The following KMT2C variants were observed in gnomAD, a reference collection of about 807,000 sequenced individuals.
KMT2C encodes the protein lysine methyltransferase 2C.
Under a neutral mutation model 507.9 loss-of-function variants are expected in KMT2C, and 88 were observed. The ratio of observed to expected loss-of-function variants is 0.17; its 90% CI spans 0.15 to 0.21. The LOEUF is 0.21. KMT2C is among the 10% of genes least tolerant of loss of function. The pLI, the probability that KMT2C is intolerant of heterozygous loss-of-function variation, is 1.00. For missense variants in KMT2C, 4,954 were observed against 5,957.8 expected (o/e 0.83, Z 5.55); for synonymous variants, 2,049 against 2,080.8 (o/e 0.98, Z 0.42).
chr7:152,188,793 G>A (rs1031338644), intron 31 of KMT2C, among the ~76,000 whole-genome samples: 8 of 151,490 alleles, frequency 5.3e-5, no homozygotes, highest in Non-Finnish European at 1.5e-5. Flanking sequence ...TATTTTTAGT[G>A]GAGGTGGGGT....
chr7:152,167,115 G>C (rs1352718562), intron 42 of KMT2C, 31 bp downstream of exon 42: 1 of 1,514,746 alleles, frequency 6.6e-7, no homozygotes, highest in South Asian at 1.1e-5. Context: ...TTAATTGTTG[G>C]TAGTTTCTAT....
At chr7:152,220,315 G>T (rs935075252) in intron 23 of KMT2C, 13 of 565,728 alleles carry the variant, frequency 2.3e-5, no homozygotes, top group Non-Finnish European at 3.5e-5. Flanking sequence ...TGTAAGGTAG[G>T]TCTGTTCTAA....
intron 13 of KMT2C, among the ~76,000 whole-genome samples, 196 bp downstream of exon 13, chr7:152,249,673 CAAAAAAA>C (rs1183345172): frequency 0.028 from 955 of 34,516 alleles, 20 homozygotes; most frequent in African/African-American, 0.06. Context: ...CTCCCCCCTC[CAAAAAAA>C]AAAAAAAAAA....
chr7:152,265,454 G>A (rs946772327), intron 7 of KMT2C, among the ~76,000 whole-genome samples: 2 of 152,102 alleles, frequency 1.3e-5, no homozygotes, highest in African/African-American at 2.4e-5. Context: ...ATCTACTTGA[G>A]ACCATAAGCA....
chr7:152,287,940 C>T (rs2096333182), intron 6 of KMT2C, among the ~76,000 whole-genome samples: 2 of 141,246 alleles, frequency 1.4e-5, no homozygotes. Flanking sequence ...ATGAGAATCA[C>T]TTAAACCCAG....
rs1349481648 is a variant in KMT2C at position 152,367,981 on chromosome 7, T to C, written c.162-9306A>G. 12 of 881,096 alleles carry C rather than the reference T, an allele frequency of 1.4e-5. No homozygotes were observed. The Admixed American group carries it at 2.5e-4, about 18-fold the overall frequency. The allele number at this position is 881,096 out of a possible 1,614,324, so 54.6% of individuals were successfully genotyped here. On this transcript the variant is annotated intron_variant, in intron 1 of 58. Transcript: ENST00000262189. ...GAATGCCAACAGTTTAAAAAACAGA[T>C]AATGAAAGAAATCCAAGAACATAAA...
At chr7:152,189,934 C>A (rs1286639642) in intron 31 of KMT2C, among the ~76,000 whole-genome samples, 3 of 152,170 alleles carry the variant, frequency 2.0e-5, no homozygotes. Flanking sequence ...TGTTAGGAAC[C>A]CGGCCGCACA....
intron 23 of KMT2C, among the ~76,000 whole-genome samples, chr7:152,208,673 G>A (rs990321659): frequency 2.6e-5 from 4 of 152,084 alleles, no homozygotes; most frequent in African/African-American, 9.7e-5. Flanking sequence ...TGTATTACAG[G>A]AAAAAGACAT....
At chr7:152,419,780 T>C (rs1172590394) in intron 1 of KMT2C, among the ~76,000 whole-genome samples, 1 of 152,234 alleles carries the variant, frequency 6.6e-6, no homozygotes, top group African/African-American at 2.4e-5. Flanking sequence ...TAAAAATTCA[T>C]CTTTCATTTG....
intron 11 of KMT2C, 109 bp from the exon 12 acceptor site, chr7:152,251,075 C>T: frequency 1.6e-6 from 1 of 627,822 alleles, no homozygotes; most frequent in Admixed American, 2.9e-5. Context: ...ACCAAAAATG[C>T]TTTAAGTTTT....
chr7:152,359,824 A>G (rs960582466), intron 1 of KMT2C, among the ~76,000 whole-genome samples: 1 of 151,584 alleles, frequency 6.6e-6, no homozygotes, highest in African/African-American at 2.4e-5. Context: ...TGAGGCAGAT[A>G]TATCACCTGA....
intron 9 of KMT2C, among the ~76,000 whole-genome samples, chr7:152,253,276 G>A (rs1458354046): frequency 6.6e-6 from 1 of 151,874 alleles, no homozygotes; most frequent in Non-Finnish European, 1.5e-5. Flanking sequence ...ACATATAGGT[G>A]GAAGAGATAA....
chr7:152,230,354 T>C (rs1563497197), intron 16 of KMT2C, 33 bp from the exon 17 acceptor site: 3 of 974,826 alleles, frequency 3.1e-6, no homozygotes, highest in Non-Finnish European at 4.6e-6. Flanking sequence ...AATACGAAGT[T>C]ATATTTTTCA....
In KMT2C at chr7:152,156,345, T is replaced by C. The variant is rs1362044365; in HGVS notation, c.11672A>G (p.Gln3891Arg). Residue 3891 changes from glutamine (Q) to arginine (R), a missense_variant and splice_region_variant, in exon 45 of 59, where the codon CAG becomes CGG. Transcript: ENST00000262189. ...STDTFTHLKQ[Q>R]NNLSNPPTPP... The stretch of plus-strand genomic sequence containing the variant: ...TGTTGGAGGATTACTTAAATTATTC[T>C]GCTGCAGGAGACCAAAAAATTTAAA... The C allele has an allele frequency of 1.2e-6, 2 of 1,613,826 alleles. No individual in the cohort carries two copies. The highest frequency in any genetic ancestry group is 1.7e-5 in the Admixed American group (1 of 59,990).
chr7:152,332,111 CA>C (rs1305405779), intron 2 of KMT2C, among the ~76,000 whole-genome samples: 2 of 152,138 alleles, frequency 1.3e-5, no homozygotes, highest in Non-Finnish European at 2.9e-5. Context: ...TTGAAAAGGA[CA>C]AACCTTCACT....
Position 152,162,637 on chromosome 7 carries a change from C to G in KMT2C, c.10940G>C (p.Ser3647Thr). ...TTGTTGAGGAAGCTCACTGGGTGTG[C>G]TCACTGCAGGAGTAGAGGTAGTTTC... ...ISETTSTPAV[S>T]TPSELPQQAD... Residue 3647 changes from serine (S) to threonine (T), a missense_variant, in exon 43 of 59, where the codon AGC (serine) becomes ACC (threonine). By Grantham distance (58) the Ser-to-Thr change is moderately conservative (BLOSUM62 1). Coordinates refer to ENST00000262189, the MANE Select transcript of KMT2C (RefSeq NM_170606.3). 1 of 1,614,216 alleles carries G rather than the reference C, an allele frequency of 6.2e-7. No homozygotes were observed.
At chr7:152,410,493 G>A (rs1589824447) in intron 1 of KMT2C, among the ~76,000 whole-genome samples, 1 of 152,010 alleles carries the variant, frequency 6.6e-6, no homozygotes. Context: ...CAGCAGAATC[G>A]CTTGAACCTG....
intron 9 of KMT2C, among the ~76,000 whole-genome samples, chr7:152,259,236 C>T (rs1365978427): frequency 1.3e-5 from 2 of 152,042 alleles, no homozygotes; most frequent in Non-Finnish European, 2.9e-5. Context: ...GATCAAATGA[C>T]ATAACTGGAA....
chr7:152,351,392 C>CGACAGCTATGACATCAT (rs1325258621), intron 2 of KMT2C, among the ~76,000 whole-genome samples: 2 of 152,152 alleles, frequency 1.3e-5, no homozygotes, highest in East Asian at 1.9e-4. Flanking sequence ...TATGACATCA[C>CGACAGCTATGACATCAT]GACAGCTATG....
Sources: allele counts gnomAD v4.1 joint callset (sites outside exome capture counted in the v4.1 genomes callset), GRCh38; gene constraint gnomAD v4.1.1; transcripts MANE v1.5; gene names NCBI Gene and HGNC (gene_info 2026-07-23, HGNC 2026-07-21).